The following ZFHX4 variants were observed in gnomAD, a reference collection of about 807,000 sequenced individuals.
ZFHX4 encodes the protein zinc finger homeobox protein 4.
In ZFHX4, 56 loss-of-function variants were observed where a neutral mutation model predicts 267.6. That is an observed-to-expected ratio of 0.21 (90% CI 0.17 to 0.26). The LOEUF (loss-of-function observed/expected upper bound fraction) is 0.26. ZFHX4 is among the 10% of genes least tolerant of loss of function. The probability of loss-of-function intolerance (pLI) is 1.00; values close to 1 mark genes in which losing one functional copy is unlikely to be tolerated. For missense variants in ZFHX4, 4,332 were observed against 4,420.0 expected (o/e 0.98, Z 0.56); for synonymous variants, 1,778 against 1,665.6 (o/e 1.07, Z -1.64).
chr8:76,705,369 C>G lies in ZFHX4; in HGVS notation c.1281C>G (p.His427Gln), dbSNP rs766224024. The change falls in exon 2 of 11, where the codon CAC becomes CAG. Residue 427 changes from histidine (H) to glutamine (Q), a missense_variant. This residue lies in a region of ZFHX4 where 1,195 missense variants were observed against 1,173.6 expected (regional missense o/e 1.02). Coordinates refer to ENST00000651372, the MANE Select transcript of ZFHX4 (RefSeq NM_024721.5). ...CAATTACCTCTGTCTCCCTCAGCCA[C>G]TCATCGTCTGAGTCTAGCAAGATGT... is the stretch of plus-strand genomic sequence containing the variant. Reference protein sequence around the residue: ...NTPITSVSLSHSSSESSKMSE... With the variant: ...NTPITSVSLSQSSSESSKMSE... The G allele has an allele frequency of 1.9e-6, 3 of 1,613,980 alleles. No homozygotes were observed. The highest frequency in any genetic ancestry group is 2.7e-5 in the African/African-American group (2 of 75,056).
At chr8:76,731,540 G>A (rs1219494221) in intron 3 of ZFHX4, among the ~76,000 whole-genome samples, 2 of 152,140 alleles carry the variant, frequency 1.3e-5, no homozygotes, top group Non-Finnish European at 2.9e-5. Context: ...TGGCCAGTGA[G>A]TACATGGGTT....
At chr8:76,860,705 G>T (rs1158570613) in intron 10 of ZFHX4, among the ~76,000 whole-genome samples, 1 of 152,114 alleles carries the variant, frequency 6.6e-6, no homozygotes, top group Non-Finnish European at 1.5e-5. Context: ...TGCAAGTAAA[G>T]CCTCCTCCAC....
At chr8:76,711,495 A>C (rs917513835) in intron 3 of ZFHX4, among the ~76,000 whole-genome samples, 3 of 152,178 alleles carry the variant, frequency 2.0e-5, no homozygotes, top group African/African-American at 4.8e-5. Flanking sequence ...TGTGTGTATA[A>C]AACAGCAGTT....
At chr8:76,812,905 A>G (rs1811413827) in intron 4 of ZFHX4, among the ~76,000 whole-genome samples, 1 of 152,178 alleles carries the variant, frequency 6.6e-6, no homozygotes, top group Non-Finnish European at 1.5e-5. Context: ...CTCAAGAGCC[A>G]GTTAAGCTTC....
At chr8:76,832,195 A>G (rs987632204) in intron 4 of ZFHX4, among the ~76,000 whole-genome samples, 6 of 152,202 alleles carry the variant, frequency 3.9e-5, no homozygotes, top group Non-Finnish European at 5.9e-5. Context: ...TGCTATTGCT[A>G]GAAATAGTAA....
chr8:76,750,568 G>A (rs1809587325), intron 3 of ZFHX4, among the ~76,000 whole-genome samples: 1 of 152,058 alleles, frequency 6.6e-6, no homozygotes, highest in Non-Finnish European at 1.5e-5. Context: ...CCAACTGCTA[G>A]CCAGATTTAT....
chr8:76,846,851 G>A (rs981834588), intron 6 of ZFHX4, among the ~76,000 whole-genome samples: 4 of 152,014 alleles, frequency 2.6e-5, no homozygotes, highest in African/African-American at 9.7e-5. Context: ...ATGATCCAAA[G>A]GGCCTGCAAG....
intron 5 of ZFHX4, among the ~76,000 whole-genome samples, chr8:76,839,053 A>AAGAGAG (rs35873786): frequency 0.021 from 2,253 of 107,374 alleles, 99 homozygotes; most frequent in East Asian, 0.059. Context: ...CTCTGTCTGA[A>AAGAGAG]AGAGAGAGAG....
At chr8:76,818,077 C>T (rs16939372) in intron 4 of ZFHX4, among the ~76,000 whole-genome samples, 6,230 of 152,138 alleles carry the variant, frequency 0.041, 203 homozygotes, top group African/African-American at 0.09. Context: ...CACCATAAAC[C>T]AGGTAAATTA....
intron 1 of ZFHX4, among the ~76,000 whole-genome samples, chr8:76,689,239 A>T (rs562511605): frequency 5.9e-4 from 90 of 152,270 alleles, no homozygotes; most frequent in Non-Finnish European, 1.1e-3. Context: ...TTTAAAAAAT[A>T]AATTCATTTA....
At chr8:76,814,124 T>G (rs373384554) in intron 4 of ZFHX4, among the ~76,000 whole-genome samples, 2 of 152,162 alleles carry the variant, frequency 1.3e-5, no homozygotes, top group African/African-American at 2.4e-5. Flanking sequence ...CAAGCTGGAG[T>G]GCAGTGGTGC....
At chr8:76,752,365 G>C (rs1809636925) in intron 3 of ZFHX4, among the ~76,000 whole-genome samples, 1 of 151,022 alleles carries the variant, frequency 6.6e-6, no homozygotes, top group Non-Finnish European at 1.5e-5. Context: ...ATATGGGCCA[G>C]GTGCAGTGGC....
At chr8:76,699,554 A>G (rs1007040020) in intron 1 of ZFHX4, among the ~76,000 whole-genome samples, 15 of 152,088 alleles carry the variant, frequency 9.9e-5, no homozygotes, top group African/African-American at 3.6e-4. Flanking sequence ...CTGCGTTATG[A>G]TATATCAAAA....
chr8:76,781,553 T>G (rs1810547817), intron 4 of ZFHX4, among the ~76,000 whole-genome samples: 2 of 152,034 alleles, frequency 1.3e-5, no homozygotes, highest in Non-Finnish European at 2.9e-5. Context: ...AACTTTTCAT[T>G]TGATTTTGTT....
rs998291994 is a variant in ZFHX4 at position 76,705,060 on chromosome 8, G to A, written c.972G>A (p.Gly324=). Reference sequence around the variant, plus strand: ...AATGCGTCTCCGCCATAATACAGGGGATTGGCAAAGACAAAGAACCTCTTA... The same window carrying A: ...AATGCGTCTCCGCCATAATACAGGGAATTGGCAAAGACAAAGAACCTCTTA... ...SNKCVSAIIQ[G]IGKDKEPLIS... Residue 324 remains glycine (G), a synonymous_variant, in exon 2 of 11, where the codon GGG becomes GGA. Coordinates refer to ENST00000651372, the MANE Select transcript of ZFHX4 (RefSeq NM_024721.5). 2 of 1,613,798 alleles carry A rather than the reference G, an allele frequency of 1.2e-6. No homozygotes were observed. The highest frequency in any genetic ancestry group is 1.3e-5 in the African/African-American group (1 of 74,906).
chr8:76,714,180 G>T (rs951333964), intron 3 of ZFHX4, among the ~76,000 whole-genome samples: 1 of 152,134 alleles, frequency 6.6e-6, no homozygotes, highest in Admixed American at 6.6e-5. Context: ...CTCTCCCTGT[G>T]TGTTTCTGTG....
intron 1 of ZFHX4, among the ~76,000 whole-genome samples, chr8:76,690,475 A>G (rs1807795195): frequency 6.6e-6 from 1 of 152,106 alleles, no homozygotes; most frequent in South Asian, 2.1e-4. Flanking sequence ...GAAAAAGACC[A>G]ATCATTTTTA....
At position 76,704,451 on chromosome 8, in the gene ZFHX4, C is replaced by T; in HGVS notation, c.363C>T (p.Asp121=). Residue 121 remains aspartate, a synonymous_variant, in exon 2 of 11, where the codon GAC becomes GAT. Transcript: ENST00000651372. ...DNESEISELE[D]SDVENLTGEI... Reference sequence around the variant, plus strand: ...AGAGCGAGATCAGCGAGTTAGAGGACAGTGACGTGGAAAATCTAACAGGGG... The same window carrying T: ...AGAGCGAGATCAGCGAGTTAGAGGATAGTGACGTGGAAAATCTAACAGGGG... 2.5e-6 allele frequency: 4 copies of T among 1,613,980 alleles called. No homozygotes were observed. Among genetic ancestry groups the T allele is most frequent in the Non-Finnish European group, 3.4e-6 (4 of 1,179,894 alleles).
intron 4 of ZFHX4, among the ~76,000 whole-genome samples, chr8:76,810,847 A>C (rs1488787462): frequency 6.6e-6 from 1 of 152,126 alleles, no homozygotes; most frequent in Non-Finnish European, 1.5e-5. Context: ...AAATACATAG[A>C]GGCACTTTAA....
Sources: gnomAD v4.1 joint callset for allele counts (sites outside exome capture counted in the v4.1 genomes callset) on GRCh38, gnomAD v4.1.1 for gene constraint, gnomAD v4.1.1 regional missense constraint, MANE v1.5 for transcripts, NCBI Gene and HGNC (gene_info 2026-07-23, HGNC 2026-07-21) for gene names.